TBC1D19: variants seen among roughly 807,000 people sequenced by gnomAD.
TBC1D19 encodes TBC1 domain family member 19.
In TBC1D19, 60 loss-of-function variants were observed where a neutral mutation model predicts 89.0. The ratio of observed to expected loss-of-function variants is 0.67; its 90% CI spans 0.55 to 0.84. The LOEUF is 0.84. Among genes scored for constraint, TBC1D19 ranks in the 40% least tolerant of loss-of-function variants. The pLI is 0.00. For synonymous variants in TBC1D19, 189 were observed against 199.7 expected (o/e 0.95, Z 0.45); for missense variants, 500 against 610.8 (o/e 0.82, Z 1.91).
At chr4:26,610,299 C>A (rs984653923) in intron 1 of TBC1D19, among the ~76,000 whole-genome samples, 1 of 151,784 alleles carries the variant, frequency 6.6e-6, no homozygotes, top group Admixed American at 6.6e-5. Context: ...TAATGACCAC[C>A]CTATAAGTGA....
chr4:26,835,708 C>T, the TBC1D19 span, among the ~76,000 whole-genome samples: 3 of 152,128 alleles, frequency 2.0e-5, no homozygotes, highest in South Asian at 6.2e-4. Context: ...GCCCTGCCTC[C>T]CTTCACCCTA....
intron 7 of TBC1D19, among the ~76,000 whole-genome samples, chr4:26,645,236 G>A (rs539872719): frequency 1.1e-4 from 17 of 152,104 alleles, no homozygotes; most frequent in African/African-American, 3.4e-4. Context: ...GAGGCATCAC[G>A]CTACCTGACT....
the TBC1D19 span, among the ~76,000 whole-genome samples, chr4:26,806,643 C>A: frequency 2.0e-5 from 3 of 152,166 alleles, no homozygotes; most frequent in Non-Finnish European, 4.4e-5. Flanking sequence ...AAATTCATGT[C>A]CACACAGAAC....
chr4:26,723,340 G>T (rs1717096664), intron 15 of TBC1D19, among the ~76,000 whole-genome samples: 2 of 152,038 alleles, frequency 1.3e-5, no homozygotes, highest in African/African-American at 4.8e-5. Context: ...CTCTGCCAAA[G>T]ATATTATTAC....
chr4:26,649,759 C>T (rs886341748), intron 7 of TBC1D19, among the ~76,000 whole-genome samples: 14 of 151,458 alleles, frequency 9.2e-5, no homozygotes, highest in Non-Finnish European at 1.5e-4. Context: ...ATGTGCACAA[C>T]GTGCAGGTTT....
chr4:26,778,279 G>A, the TBC1D19 span, among the ~76,000 whole-genome samples: 1 of 152,078 alleles, frequency 6.6e-6, no homozygotes, highest in Non-Finnish European at 1.5e-5. Context: ...AGCCAGGCAT[G>A]GTGGCGGGAG....
At chr4:26,798,734 A>G in the TBC1D19 span, among the ~76,000 whole-genome samples, 26 of 152,124 alleles carry the variant, frequency 1.7e-4, no homozygotes, top group Admixed American at 9.8e-4. Context: ...AGCAACATGG[A>G]TGGAGCTGAA....
chr4:26,717,169 C>T (rs569167350), intron 13 of TBC1D19, among the ~76,000 whole-genome samples: 99 of 152,028 alleles, frequency 6.5e-4, no homozygotes, highest in Non-Finnish European at 1.3e-3. Flanking sequence ...CTAGTTCAGC[C>T]TGACTCTGTG....
chr4:26,638,496 T>C (rs1286510376), intron 5 of TBC1D19, among the ~76,000 whole-genome samples: 1 of 152,180 alleles, frequency 6.6e-6, no homozygotes, highest in African/African-American at 2.4e-5. Flanking sequence ...AGGAGCAGTT[T>C]TTCTTTGTGA....
intron 13 of TBC1D19, among the ~76,000 whole-genome samples, chr4:26,703,324 CA>C (rs1213534820): frequency 1.3e-5 from 2 of 152,058 alleles, no homozygotes; most frequent in African/African-American, 4.8e-5. Flanking sequence ...TAATTGTATG[CA>C]TTGTAAATAT....
chr4:26,842,636 CTTTCTTTCTTTT>C, the TBC1D19 span, among the ~76,000 whole-genome samples: 24 of 123,272 alleles, frequency 1.9e-4, no homozygotes, highest in African/African-American at 6.9e-4. Flanking sequence ...TTCTTTCTTT[CTTTCTTTCTTTT>C]TCTTTCTTCT....
the TBC1D19 span, among the ~76,000 whole-genome samples, chr4:26,810,174 C>T: frequency 2.0e-5 from 3 of 152,216 alleles, no homozygotes; most frequent in Non-Finnish European, 4.4e-5. Context: ...CAATCTGAGC[C>T]GAGGTGCTCA....
intron 15 of TBC1D19, 150 bp downstream of exon 15, chr4:26,720,275 C>A: frequency 3.2e-6 from 2 of 618,608 alleles, no homozygotes; most frequent in Non-Finnish European, 5.2e-6. Flanking sequence ...TGAAATCCTC[C>A]ACATTTGTGG....
intron 15 of TBC1D19, among the ~76,000 whole-genome samples, chr4:26,724,257 A>G (rs1196506890): frequency 6.6e-6 from 1 of 152,218 alleles, no homozygotes; most frequent in East Asian, 1.9e-4. Flanking sequence ...TTGTCTAGTA[A>G]GTCCAATGTC....
chr4:26,686,472 A>G (rs1388003784), intron 12 of TBC1D19, among the ~76,000 whole-genome samples: 2 of 151,912 alleles, frequency 1.3e-5, no homozygotes, highest in Non-Finnish European at 2.9e-5. Context: ...GTTTTCAACC[A>G]TTTACTATAA....
At chr4:26,695,849 C>CT (rs1714725557) in intron 13 of TBC1D19, among the ~76,000 whole-genome samples, 1 of 152,128 alleles carries the variant, frequency 6.6e-6, no homozygotes, top group Non-Finnish European at 1.5e-5. Context: ...ACAAGAGCTC[C>CT]TGAAGGAAGC....
chr4:26,784,230 C>G, the TBC1D19 span, among the ~76,000 whole-genome samples: 1 of 152,128 alleles, frequency 6.6e-6, no homozygotes, highest in Non-Finnish European at 1.5e-5. Context: ...AAGACAAAGG[C>G]TATGGTGACT....
the TBC1D19 span, among the ~76,000 whole-genome samples, chr4:26,820,079 A>G: frequency 6.6e-6 from 1 of 152,198 alleles, no homozygotes; most frequent in East Asian, 1.9e-4. Context: ...GTGGGGTACA[A>G]TGTGATGCTT....
chr4:26,660,561 ATGTTAGGGTT>A (rs1745163663), intron 8 of TBC1D19, among the ~76,000 whole-genome samples: 1 of 152,090 alleles, frequency 6.6e-6, no homozygotes, highest in African/African-American at 2.4e-5. Flanking sequence ...AGCAGGCCTG[ATGTTAGGGTT>A]TGTCAACAGA....
Sources: gnomAD v4.1 joint callset for allele counts (sites outside exome capture counted in the v4.1 genomes callset) on GRCh38, gnomAD v4.1.1 for gene constraint, MANE v1.5 for transcripts, NCBI Gene and HGNC (gene_info 2026-07-23, HGNC 2026-07-21) for gene names.